The following AP1AR variants were observed in gnomAD, a reference collection of about 807,000 sequenced individuals.
AP1AR encodes the protein adaptor related protein complex 1 associated regulatory protein, also known as AP-1 complex-associated regulatory protein.
AP1AR carries 29 observed loss-of-function variants against 46.3 expected under a neutral mutation model. That is an observed-to-expected ratio of 0.63 (90% CI 0.47 to 0.85). AP1AR has a LOEUF of 0.85. Among genes scored for constraint, AP1AR ranks in the 40% least tolerant of loss-of-function variants. AP1AR has a pLI of 0.00. For synonymous variants in AP1AR, 122 were observed against 122.9 expected (o/e 0.99, Z 0.05); for missense variants, 357 against 356.3 (o/e 1.00, Z -0.02).
rs1293147128 is a variant in AP1AR at position 112,269,319 on chromosome 4, G to A, written c.*910G>A. The A allele has an allele frequency of 1.3e-5, 2 of 152,226 alleles. No individual in the cohort carries two copies. Among genetic ancestry groups the A allele is most frequent in the East Asian group, 3.9e-4 (2 of 5,194 alleles). 9.4% of individuals were successfully genotyped at this position (152,226 alleles called of 1,614,324 possible). A position where few individuals can be genotyped will look rare whatever the true frequency, so the allele number is the denominator to read the frequency against. On this transcript the variant is annotated 3_prime_UTR_variant, in exon 10 of 10. Coordinates refer to ENST00000274000, the MANE Select transcript of AP1AR (RefSeq NM_018569.6). Reference sequence around the variant, plus strand: ...TTTCAAATAAAATCCTTTCTGGTATGAAAGGCTCCATTGATTTTATTAAGC... The same window carrying A: ...TTTCAAATAAAATCCTTTCTGGTATAAAAGGCTCCATTGATTTTATTAAGC...
At chr4:112,241,752 A>T (rs1560602741) in intron 1 of AP1AR, among the ~76,000 whole-genome samples, 1 of 152,228 alleles carries the variant, frequency 6.6e-6, no homozygotes, top group African/African-American at 2.4e-5. Flanking sequence ...CTACCTGGAA[A>T]AATGTGTTGA....
chr4:112,236,892 A>G (rs1725264828), intron 1 of AP1AR, among the ~76,000 whole-genome samples: 1 of 152,336 alleles, frequency 6.6e-6, no homozygotes, highest in Non-Finnish European at 1.5e-5. Flanking sequence ...CATTAAAGCT[A>G]TTCTAATTTC....
At position 112,266,691 on chromosome 4, in the gene AP1AR, A is replaced by T. The variant is rs1726725617; in HGVS notation, c.618A>T (p.Leu206Phe). Residue 206 changes from leucine to phenylalanine, a missense_variant, in exon 9 of 10, where the codon TTA (leucine) becomes TTT (phenylalanine). Physicochemically the swap from Leu to Phe is conservative, Grantham distance 22. Coordinates refer to ENST00000274000, the MANE Select transcript of AP1AR (RefSeq NM_018569.6). The stretch of plus-strand genomic sequence containing the variant: ...GTGGAAATGACGACAGCACATCCTT[A>T]GATCTAGAGTGGGAAGATGAAGAAG... The part of the protein sequence containing the change: ...STSGNDDSTS[L>F]DLEWEDEEGM... The T allele has an allele frequency of 6.2e-7, 1 of 1,607,882 alleles. No homozygotes were observed. The highest frequency in any genetic ancestry group is 8.5e-7 in the Non-Finnish European group (1 of 1,176,792).
intron 1 of AP1AR, among the ~76,000 whole-genome samples, chr4:112,252,420 C>T (rs1482735032): frequency 1.3e-5 from 2 of 152,180 alleles, no homozygotes; most frequent in Non-Finnish European, 2.9e-5. Flanking sequence ...ACAGGAGCCA[C>T]ATTATGACTG....
At chr4:112,256,180 C>T (rs772447031) in intron 3 of AP1AR, among the ~76,000 whole-genome samples, 6 of 152,138 alleles carry the variant, frequency 3.9e-5, no homozygotes, top group African/African-American at 1.4e-4. Flanking sequence ...CTTAAATTAA[C>T]GTGGGTAAAA....
In AP1AR at chr4:112,232,248, C is replaced by T. The variant is rs993181663; in HGVS notation, c.83+74C>T. The T allele has an allele frequency of 7.4e-6, 9 of 1,210,666 alleles. No homozygotes were observed. In the African/African-American group the frequency reaches 9.4e-5, roughly 13 times the overall value. The allele number at this position is 1,210,666 out of a possible 1,614,324, so 75.0% of individuals were successfully genotyped here. ...GCCCCCGGCGGGGAATCCCTTTCAC[C>T]GTCCCCCGGCGGCTGGAGGTGGCGG... On this transcript the variant is annotated intron_variant, in intron 1 of 9. Coordinates refer to ENST00000274000, the MANE Select transcript of AP1AR (RefSeq NM_018569.6).
At chr4:112,257,831 C>T in intron 4 of AP1AR, 34 bp downstream of exon 4, 2 of 1,509,382 alleles carry the variant, frequency 1.3e-6, no homozygotes, top group Admixed American at 2.2e-5. Flanking sequence ...AACAAAACTT[C>T]TATGCAAACT....
chr4:112,259,154 G>A (rs896100065), intron 4 of AP1AR, among the ~76,000 whole-genome samples: 1 of 152,188 alleles, frequency 6.6e-6, no homozygotes, highest in Non-Finnish European at 1.5e-5. Context: ...TGAAACTGAG[G>A]TAGTAAGATA....
intron 2 of AP1AR, among the ~76,000 whole-genome samples, chr4:112,253,886 T>A (rs1222869414): frequency 2.0e-5 from 3 of 152,326 alleles, no homozygotes; most frequent in Non-Finnish European, 2.9e-5. Context: ...GCTGGAACAC[T>A]GTACTTTATG....
chr4:112,254,847 C>T (rs554884130), intron 3 of AP1AR, 74 bp downstream of exon 3: 97 of 734,734 alleles, frequency 1.3e-4, no homozygotes, highest in African/African-American at 1.2e-3. Context: ...CTAACAATTA[C>T]GTTTACAATT....
At chr4:112,243,053 A>G (rs1725577493) in intron 1 of AP1AR, among the ~76,000 whole-genome samples, 1 of 152,188 alleles carries the variant, frequency 6.6e-6, no homozygotes, top group African/African-American at 2.4e-5. Context: ...TCTTGAATAG[A>G]ATAGTGGGTT....
At chr4:112,245,014 T>C (rs1007083093) in intron 1 of AP1AR, among the ~76,000 whole-genome samples, 2 of 152,168 alleles carry the variant, frequency 1.3e-5, no homozygotes, top group Non-Finnish European at 1.5e-5. Context: ...GTAGGAAGCT[T>C]TGTACAACAT....
In AP1AR at chr4:112,231,884, C is replaced by A; in HGVS notation, c.-208C>A. ...GTGCTCCTCCCTCGCGCAGCGGTGG[C>A]TCTGCGGCCGCTGGAGTAAACACTG... On this transcript the variant is annotated 5_prime_UTR_variant, in exon 1 of 10. Transcript: ENST00000274000. 1 of 407,614 alleles carries A rather than the reference C, an allele frequency of 2.5e-6. No individual in the cohort carries two copies. The highest frequency in any genetic ancestry group is 4.3e-6 in the Non-Finnish European group (1 of 234,110). The allele number at this position is 407,614 out of a possible 1,614,324, so 25.2% of individuals were successfully genotyped here. A position where few individuals can be genotyped will look rare whatever the true frequency, so the allele number is the denominator to read the frequency against.
At chr4:112,263,490 A>C (rs1302565246) in intron 6 of AP1AR, among the ~76,000 whole-genome samples, 1 of 151,610 alleles carries the variant, frequency 6.6e-6, no homozygotes, top group Non-Finnish European at 1.5e-5. Context: ...CAGTTTTTTA[A>C]ATTGCTAGAA....
At chr4:112,261,532 G>A (rs1726441884) in intron 5 of AP1AR, among the ~76,000 whole-genome samples, 1 of 152,238 alleles carries the variant, frequency 6.6e-6, no homozygotes, top group Middle Eastern at 3.4e-3. Flanking sequence ...TGTTCTCAGA[G>A]AACCAAGTAC....
rs1157330681 is a variant in AP1AR at position 112,269,049 on chromosome 4, T to G, written c.*640T>G. Reference sequence around the variant, plus strand: ...TAATATAAAAATAACCCTTCAGAGTTTGGACATTTCAAGTTGGTAATAATA... The same window carrying G: ...TAATATAAAAATAACCCTTCAGAGTGTGGACATTTCAAGTTGGTAATAATA... On this transcript the variant is annotated 3_prime_UTR_variant, in exon 10 of 10. Coordinates refer to ENST00000274000, the MANE Select transcript of AP1AR (RefSeq NM_018569.6). The G allele has an allele frequency of 6.6e-6, 1 of 150,866 alleles. No homozygotes were observed. The highest frequency in any genetic ancestry group is 2.4e-5 in the African/African-American group (1 of 41,204). The allele number at this position is 150,866 out of a possible 1,614,324, so 9.3% of individuals were successfully genotyped here.
At chr4:112,236,278 A>G (rs1725235806) in intron 1 of AP1AR, among the ~76,000 whole-genome samples, 1 of 151,738 alleles carries the variant, frequency 6.6e-6, no homozygotes. Flanking sequence ...TAGCTCTCAT[A>G]CTTCAGCCCA....
chr4:112,259,194 A>C (rs1442577656), intron 4 of AP1AR, among the ~76,000 whole-genome samples: 1 of 152,208 alleles, frequency 6.6e-6, no homozygotes, highest in Non-Finnish European at 1.5e-5. Flanking sequence ...TGTATTTGGC[A>C]ACATAGAAGC....
At chr4:112,248,466 G>A (rs1725813372) in intron 1 of AP1AR, among the ~76,000 whole-genome samples, 2 of 152,068 alleles carry the variant, frequency 1.3e-5, no homozygotes, top group South Asian at 4.1e-4. Flanking sequence ...GCAAATTGAG[G>A]TAAGGGTAAG....
Sources: allele counts gnomAD v4.1 joint callset (sites outside exome capture counted in the v4.1 genomes callset), GRCh38; gene constraint gnomAD v4.1.1; transcripts MANE v1.5; gene names NCBI Gene and HGNC (gene_info 2026-07-23, HGNC 2026-07-21).